ZC4H2: variants seen among roughly 807,000 people sequenced by gnomAD.
ZC4H2 encodes the protein zinc finger C4H2 domain-containing protein.
For missense variants in ZC4H2, 137 were observed against 173.9 expected (o/e 0.79, Z 1.19); for synonymous variants, 84 against 66.3 (o/e 1.27, Z -1.30).
intron 1 of ZC4H2, among the ~76,000 whole-genome samples, chrX:65,020,384 G>T (rs914746758): frequency 2.7e-5 from 3 of 111,752 alleles, no homozygotes; most frequent in African/African-American, 9.8e-5. Context: ...CCAATATTCA[G>T]CATTATTAAA....
intron 1 of ZC4H2, among the ~76,000 whole-genome samples, chrX:65,014,407 C>A (rs1932783800): frequency 9.0e-6 from 1 of 111,603 alleles, no homozygotes; most frequent in African/African-American, 3.3e-5. Flanking sequence ...CTATGGTTCC[C>A]ATGGTGTCAT....
chrX:64,936,921 T>C (rs1397629351), intron 1 of ZC4H2, among the ~76,000 whole-genome samples: 1 of 111,543 alleles, frequency 9.0e-6, no homozygotes, highest in Non-Finnish European at 1.9e-5. Context: ...CATAACAATA[T>C]TAACCTTAAA....
At chrX:64,928,685 C>CTTCT (rs1201758564) in intron 1 of ZC4H2, among the ~76,000 whole-genome samples, 15 of 52,654 alleles carry the variant, frequency 2.8e-4, no homozygotes, top group African/African-American at 7.2e-4. Flanking sequence ...CTTCTTCTTC[C>CTTCT]TCCTCCTCTT....
chrX:64,978,005 A>T (rs1230159211), upstream of ZC4H2, among the ~76,000 whole-genome samples: 2 of 111,340 alleles, frequency 1.8e-5, no homozygotes, highest in African/African-American at 6.5e-5. Context: ...GACGTTGGGC[A>T]AAAGGAAGAT....
intron 1 of ZC4H2, among the ~76,000 whole-genome samples, chrX:64,923,907 G>A (rs1409220258): frequency 2.7e-5 from 3 of 111,040 alleles, no homozygotes; most frequent in African/African-American, 6.5e-5. Context: ...CCAGGCTGAA[G>A]GGCATAAAAA....
intron 1 of ZC4H2, among the ~76,000 whole-genome samples, chrX:65,027,031 T>C (rs777120135): frequency 2.7e-5 from 3 of 112,411 alleles, no homozygotes; most frequent in Non-Finnish European, 5.6e-5. Context: ...AAGGAAGGAC[T>C]ATAATAGTTC....
At chrX:64,954,338 AATTATATATATATAT>A (rs1931042198) in intron 1 of ZC4H2, among the ~76,000 whole-genome samples, 2 of 73,700 alleles carry the variant, frequency 2.7e-5, no homozygotes, top group Admixed American at 3.3e-4. Flanking sequence ...ATATATATAT[AATTATATATATATAT>A]AATTATATAT....
chrX:64,984,067 T>C (rs760470356), intron 1 of ZC4H2, among the ~76,000 whole-genome samples: 1 of 111,434 alleles, frequency 9.0e-6, no homozygotes, highest in East Asian at 2.8e-4. Context: ...CAGCAGGCAG[T>C]TTTTCAACCT....
chrX:64,970,324 G>A (rs1409431794), intron 1 of ZC4H2, among the ~76,000 whole-genome samples: 1 of 111,560 alleles, frequency 9.0e-6, no homozygotes, highest in Non-Finnish European at 1.9e-5. Context: ...GGCCAGCATT[G>A]TTTGGCTTAA....
At chrX:65,026,583 C>G (rs1342758778) in intron 1 of ZC4H2, among the ~76,000 whole-genome samples, 1 of 110,638 alleles carries the variant, frequency 9.0e-6, no homozygotes, top group Admixed American at 9.6e-5. Context: ...GTGGTGGACG[C>G]CTGTAGTCCC....
intron 1 of ZC4H2, among the ~76,000 whole-genome samples, chrX:64,942,354 T>A (rs1204128727): frequency 9.0e-6 from 1 of 111,032 alleles, no homozygotes; most frequent in Non-Finnish European, 1.9e-5. Context: ...GATTCATTGA[T>A]TTTTTTATTA....
chrX:64,988,640 A>G (rs1163458324), intron 1 of ZC4H2, among the ~76,000 whole-genome samples: 1 of 110,072 alleles, frequency 9.1e-6, no homozygotes, highest in Admixed American at 9.7e-5. Context: ...GCCCTTGAGT[A>G]GATTGCAAAA....
chrX:64,954,222 G>T (rs1349039448), intron 1 of ZC4H2, among the ~76,000 whole-genome samples: 6 of 100,380 alleles, frequency 6.0e-5, no homozygotes, highest in Non-Finnish European at 9.8e-5. Context: ...TAATGTAAAT[G>T]ACGAGTTAAT....
intron 1 of ZC4H2, among the ~76,000 whole-genome samples, chrX:64,934,931 C>G (rs1474300471): frequency 9.2e-6 from 1 of 108,887 alleles, no homozygotes; most frequent in Non-Finnish European, 1.9e-5. Context: ...GAACTAGCTG[C>G]AGGGTTTTTT....
chrX:64,957,544 C>T (rs1464404579), intron 1 of ZC4H2, among the ~76,000 whole-genome samples: 1 of 110,701 alleles, frequency 9.0e-6, no homozygotes, highest in South Asian at 3.8e-4. Flanking sequence ...TTTATTTTTA[C>T]TTTTTGGACT....
chrX:64,934,085 G>C (rs1929878288), intron 1 of ZC4H2, among the ~76,000 whole-genome samples: 1 of 111,819 alleles, frequency 8.9e-6, no homozygotes, highest in South Asian at 3.7e-4. Flanking sequence ...AGGTCAGATG[G>C]ACACCTCTGA....
intron 1 of ZC4H2, among the ~76,000 whole-genome samples, chrX:65,001,364 G>A (rs1932531270): frequency 1.8e-5 from 2 of 111,788 alleles, no homozygotes; most frequent in South Asian, 3.7e-4. Context: ...AAGCAAAAGG[G>A]AAGTAAAATC....
chrX:64,952,853 C>G (rs929020480), intron 1 of ZC4H2, among the ~76,000 whole-genome samples: 6 of 111,107 alleles, frequency 5.4e-5, no homozygotes, highest in Admixed American at 1.9e-4. Flanking sequence ...AAAAAGAGCC[C>G]TCATTGCCAA....
At chrX:65,028,779 C>T (rs1403079582) in intron 1 of ZC4H2, among the ~76,000 whole-genome samples, 1 of 111,618 alleles carries the variant, frequency 9.0e-6, no homozygotes, top group Non-Finnish European at 1.9e-5. Context: ...GCCTTGGCCT[C>T]CCAAAGTGCT....
Sources: gnomAD v4.1 joint callset for allele counts (sites outside exome capture counted in the v4.1 genomes callset) on GRCh38, gnomAD v4.1.1 for gene constraint, MANE v1.5 for transcripts, NCBI Gene and HGNC (gene_info 2026-07-23, HGNC 2026-07-21) for gene names.